Variants in ROS1 observed in about 807,000 individuals in gnomAD.
The protein encoded by ROS1 is proto-oncogene tyrosine-protein kinase ROS.
In ROS1, 263 loss-of-function variants were observed where a neutral mutation model predicts 273.5. The ratio of observed to expected loss-of-function variants is 0.96; its 90% CI spans 0.87 to 1.06. ROS1 has a LOEUF of 1.06. Among genes scored for constraint, ROS1 ranks in the 50% least tolerant of loss-of-function variants. ROS1 has a pLI of 0.00. For synonymous variants in ROS1, 1,008 were observed against 954.1 expected (o/e 1.06, Z -1.04); for missense variants, 2,833 against 2,751.1 (o/e 1.03, Z -0.67).
At chr6:117,316,877 C>A (rs938316000) in intron 39 of ROS1, among the ~76,000 whole-genome samples, 6 of 152,050 alleles carry the variant, frequency 3.9e-5, no homozygotes, top group Admixed American at 3.9e-4. Flanking sequence ...TATCCCTGTG[C>A]TCCAGAAAAA....
intron 36 of ROS1, 135 bp downstream of exon 36, chr6:117,321,124 A>T (rs1776259714): frequency 1.2e-6 from 1 of 865,866 alleles, no homozygotes; most frequent in African/African-American, 1.7e-5. Flanking sequence ...GTGGAAGAGG[A>T]AGTTATTAAT....
In ROS1 at chr6:117,321,829, A is replaced by ATTT. The variant is rs11451804; in HGVS notation, c.5624-438_5624-436dup. On this transcript the variant is annotated intron_variant, in intron 35 of 43. Coordinates refer to ENST00000368507, the MANE Select transcript of ROS1 (RefSeq NM_001378902.1). ...AGAAAATGCTTTCAGTATAATGGCA[A>ATTT]TTTTTTTTTTTTTTTTTTTTGCAGA... Among the ~76,000 whole-genome samples, 259 of 122,964 alleles carry ATTT rather than the reference A, an allele frequency of 2.1e-3. 4 individuals are homozygous for ATTT. Among genetic ancestry groups the ATTT allele is most frequent in the African/African-American group, 3.3e-3 (108 of 32,704 alleles). 80.7% of individuals were successfully genotyped at this position (122,964 alleles called of 152,430 possible). A position where few individuals can be genotyped will look rare whatever the true frequency, so the allele number is the denominator to read the frequency against.
intron 5 of ROS1, among the ~76,000 whole-genome samples, chr6:117,407,877 A>G (rs1774549197): frequency 6.6e-6 from 1 of 152,180 alleles, no homozygotes; most frequent in Admixed American, 6.5e-5. Flanking sequence ...ATATAGACCA[A>G]TGAAGAGAAC....
chr6:117,325,959 G>A (rs1776594936), intron 34 of ROS1, among the ~76,000 whole-genome samples: 1 of 151,664 alleles, frequency 6.6e-6, no homozygotes, highest in Admixed American at 6.6e-5. Context: ...CTAATTAGGA[G>A]CATGGAATTG....
chr6:117,303,153 A>C (rs1562252137), intron 42 of ROS1, among the ~76,000 whole-genome samples: 1 of 152,198 alleles, frequency 6.6e-6, no homozygotes, highest in East Asian at 1.9e-4. Context: ...CTGACTTATT[A>C]TAAACAAGTA....
At chr6:117,412,700 T>C (rs1775021786) in intron 4 of ROS1, among the ~76,000 whole-genome samples, 1 of 152,236 alleles carries the variant, frequency 6.6e-6, no homozygotes, top group Non-Finnish European at 1.5e-5. Context: ...AAGTGTAAAA[T>C]AGCAAAGTAT....
Position 117,409,568 on chromosome 6 carries a change from G to A in ROS1, c.316+14C>T, listed in dbSNP as rs371847632. 2.2e-5 allele frequency: 36 copies of A among 1,606,834 alleles called. No individual in the cohort carries two copies. Among genetic ancestry groups the A allele is most frequent in the Non-Finnish European group, 2.9e-5 (34 of 1,173,688 alleles). ...GTGCAGCCTATTTTTTAAAAGTCGT[G>A]TGTGTCCTCTTACCCAGTACTTCCT... is the stretch of plus-strand genomic sequence containing the variant. On this transcript the variant is annotated intron_variant, in intron 5 of 43. Transcript: ENST00000368507.
At chr6:117,295,528 A>T (rs938666524) in intron 43 of ROS1, among the ~76,000 whole-genome samples, 1 of 152,190 alleles carries the variant, frequency 6.6e-6, no homozygotes, top group African/African-American at 2.4e-5. Context: ...ACAGCAAAGG[A>T]AACAATCAAC....
intron 5 of ROS1, among the ~76,000 whole-genome samples, chr6:117,407,422 T>C (rs545133879): frequency 1.3e-5 from 2 of 152,292 alleles, no homozygotes; most frequent in Admixed American, 1.3e-4. Flanking sequence ...GCCCAACCTA[T>C]GCTGAAATCA....
Position 117,394,138 on chromosome 6 carries a change from T to C in ROS1, c.1191+24A>G, listed in dbSNP as rs1239585799. On this transcript the variant is annotated intron_variant, in intron 11 of 43. Transcript: ENST00000368507. ...TATCAGTATCACTGTCTATCACTAT[T>C]CCTCTTTAACTTCTCGGACTAACCA... 4.0e-6 allele frequency: 6 copies of C among 1,497,230 alleles called. No individual in the cohort carries two copies. The Admixed American group carries it at 1.0e-4, about 25-fold the overall frequency. 92.7% of individuals were successfully genotyped at this position (1,497,230 alleles called of 1,614,324 possible).
intron 24 of ROS1, 66 bp from the exon 25 acceptor site, chr6:117,358,075 A>G (rs1779481271): frequency 9.8e-7 from 1 of 1,020,036 alleles, no homozygotes; most frequent in Admixed American, 2.1e-5. Context: ...AGACTTTTCT[A>G]TATTCACCCA....
intron 18 of ROS1, among the ~76,000 whole-genome samples, chr6:117,378,734 A>G (rs79613659): frequency 0.012 from 1,811 of 152,250 alleles, 41 homozygotes; most frequent in African/African-American, 0.041. Context: ...CATTTAAGAC[A>G]TCACAGGAAG....
At chr6:117,368,070 G>C (rs751748116) in intron 18 of ROS1, among the ~76,000 whole-genome samples, 14 of 152,102 alleles carry the variant, frequency 9.2e-5, no homozygotes, top group Non-Finnish European at 1.8e-4. Context: ...AGTTTCTATA[G>C]TTTGATCAAA....
At position 117,337,234 on chromosome 6, in the gene ROS1, A is replaced by G; in HGVS notation, c.5168T>C (p.Val1723Ala). ...LQPYTSYNVR[V>A]VVVYKTGENS... ...TTCTCCCGTCTTATAAACCACCACT[A>G]CTCTGACATTATATGAAGTATAAGG... Residue 1723 changes from valine (V) to alanine (A), a missense_variant, in exon 32 of 44, where the codon GTA (valine) becomes GCA (alanine). Transcript: ENST00000368507. 1.2e-6 allele frequency: 2 copies of G among 1,612,580 alleles called. No homozygotes were observed. The highest frequency in any genetic ancestry group is 1.7e-6 in the Non-Finnish European group (2 of 1,179,072).
rs1779703269 is a variant in ROS1, at chr6:117,360,387, T to C, written c.3385A>G (p.Lys1129Glu). 1 of 1,613,392 alleles carries C rather than the reference T, an allele frequency of 6.2e-7. No homozygotes were observed. The highest frequency in any genetic ancestry group is 1.3e-5 in the African/African-American group (1 of 74,936). The change falls in exon 23 of 44, where the codon AAG becomes GAG. Residue 1129 changes from lysine (K) to glutamate (E), a missense_variant. Transcript: ENST00000368507. The part of the protein sequence containing the change: ...IAFQVRAFTS[K>E]GPGPYADVVK... The stretch of plus-strand genomic sequence containing the variant: ...ACGTCAGCATATGGTCCTGGCCCCT[T>C]AGATGTAAAGGCCCTAACCTAAAGA...
Position 117,393,336 on chromosome 6 carries a change from A to T in ROS1, c.1192-15T>A. ...CAGACACATACCTAAAAAAATAAAA[A>T]ATATACCGGTAGGATTAGCATCTGT... On this transcript the variant is annotated splice_polypyrimidine_tract_variant and intron_variant, in intron 11 of 43. Coordinates refer to ENST00000368507, the MANE Select transcript of ROS1 (RefSeq NM_001378902.1). 6.8e-7 allele frequency: 1 copy of T among 1,464,414 alleles called. No individual in the cohort carries two copies. The highest frequency in any genetic ancestry group is 1.7e-5 in the Admixed American group (1 of 59,268). The allele number at this position is 1,464,414 out of a possible 1,614,324, so 90.7% of individuals were successfully genotyped here. A position where few individuals can be genotyped will look rare whatever the true frequency, so the allele number is the denominator to read the frequency against.
intron 31 of ROS1, among the ~76,000 whole-genome samples, chr6:117,339,798 T>C (rs1042992752): frequency 1.8e-4 from 28 of 152,136 alleles, no homozygotes; most frequent in Non-Finnish European, 2.5e-4. Flanking sequence ...GAGATCTCTG[T>C]CTGCTGTCCT....
chr6:117,347,461 T>C (rs762787132), intron 27 of ROS1, among the ~76,000 whole-genome samples: 8 of 152,106 alleles, frequency 5.3e-5, no homozygotes, highest in Non-Finnish European at 1.2e-4. Flanking sequence ...AGGAGTCTTT[T>C]TGTCAATTCT....
intron 7 of ROS1, among the ~76,000 whole-genome samples, chr6:117,401,802 G>GC (rs1773956272): frequency 3.2e-5 from 1 of 31,376 alleles, no homozygotes; most frequent in Non-Finnish European, 5.8e-5. Flanking sequence ...AAACTTTTCA[G>GC]TAAAAAAAAA....
Sources: allele counts gnomAD v4.1 joint callset (sites outside exome capture counted in the v4.1 genomes callset), GRCh38; gene constraint gnomAD v4.1.1; transcripts MANE v1.5; gene names NCBI Gene and HGNC (gene_info 2026-07-23, HGNC 2026-07-21).